The following CAMK2A variants were observed in gnomAD, a reference collection of about 807,000 sequenced individuals.
CAMK2A encodes calcium/calmodulin-dependent protein kinase type II subunit alpha.
Under a neutral mutation model 79.2 loss-of-function variants are expected in CAMK2A, and 7 were observed. The ratio of observed to expected loss-of-function variants is 0.09; its 90% CI spans 0.05 to 0.17. CAMK2A has a LOEUF of 0.17. CAMK2A is among the 10% of genes least tolerant of loss of function. CAMK2A has a pLI of 1.00. For synonymous variants in CAMK2A, 242 were observed against 251.7 expected, an observed-to-expected ratio of 0.96 and a Z score of 0.36; for missense variants, 214 against 646.4, an observed-to-expected ratio of 0.33 and a Z score of 7.25.
intron 17 of CAMK2A, among the ~76,000 whole-genome samples, chr5:150,227,175 A>T (rs138402770): frequency 5.4e-4 from 83 of 152,344 alleles, no homozygotes; most frequent in African/African-American, 1.5e-3. Context: ...AAAGAAAGTT[A>T]CATAATCCTT....
intron 2 of CAMK2A, among the ~76,000 whole-genome samples, chr5:150,270,554 G>A (rs1291718949): frequency 6.6e-6 from 1 of 152,162 alleles, no homozygotes; most frequent in East Asian, 1.9e-4. Flanking sequence ...AGCAGGAGAT[G>A]CTTAGAGTGT....
chr5:150,267,092 G>A (rs1756543803), intron 2 of CAMK2A, among the ~76,000 whole-genome samples: 1 of 152,234 alleles, frequency 6.6e-6, no homozygotes, highest in Non-Finnish European at 1.5e-5. Context: ...TAGGGATAAG[G>A]AGGTGGGGCC....
In CAMK2A at chr5:150,250,256, C is replaced by T; in HGVS notation, c.870G>A (p.Leu290=). 1 of 1,614,050 alleles carries T rather than the reference C, an allele frequency of 6.2e-7. No homozygotes were observed. Among genetic ancestry groups the T allele is most frequent in the East Asian group, 2.2e-5 (1 of 44,866 alleles). The part of the protein sequence containing the change: ...CMHRQETVDC[L]KKFNARRKLK... ...GTTTCCTCCTGGCATTGAACTTCTT[C>T]AGGCAGTCCACGGTCTCCTGTCTGT... Residue 290 remains leucine, a synonymous_variant, in exon 11 of 19, where the codon CTG becomes CTA. Transcript: ENST00000671881.
chr5:150,221,464 C>T lies in CAMK2A; in HGVS notation c.*1246G>A, dbSNP rs35651593. 1,814 of 398,690 alleles carry T rather than the reference C, an allele frequency of 4.5e-3. 32 individuals carry two copies. The highest frequency in any genetic ancestry group is 0.034 in the African/African-American group (1,650 of 48,706). The allele number at this position is 398,690 out of a possible 1,614,324, so 24.7% of individuals were successfully genotyped here. A position where few individuals can be genotyped will look rare whatever the true frequency, so the allele number is the denominator to read the frequency against. ...GGTGGGGGGTGCTGGGGGCGGCACACAGATATGGTGAGATGAAATCCTGGG... is the reference window on the plus strand; with the variant it reads ...GGTGGGGGGTGCTGGGGGCGGCACATAGATATGGTGAGATGAAATCCTGGG... On this transcript the variant is annotated 3_prime_UTR_variant, in exon 19 of 19. Coordinates refer to ENST00000671881, the MANE Select transcript of CAMK2A (RefSeq NM_015981.4).
chr5:150,271,210 A>G (rs1164010811), intron 2 of CAMK2A, among the ~76,000 whole-genome samples: 1 of 152,166 alleles, frequency 6.6e-6, no homozygotes, highest in African/African-American at 2.4e-5. Context: ...ATTCCTGCCC[A>G]CCCTGTCTCT....
At chr5:150,243,958 G>A (rs180849242) in intron 13 of CAMK2A, among the ~76,000 whole-genome samples, 10 of 152,280 alleles carry the variant, frequency 6.6e-5, no homozygotes, top group Admixed American at 2.0e-4. Flanking sequence ...CACCCCATCC[G>A]CTGCCAGAGG....
intron 13 of CAMK2A, among the ~76,000 whole-genome samples, chr5:150,244,427 G>A (rs1755471413): frequency 6.6e-6 from 1 of 152,280 alleles, no homozygotes; most frequent in Non-Finnish European, 1.5e-5. Flanking sequence ...AGGGCTCTGA[G>A]CCCAGAAAAA....
chr5:150,250,384 C>T, intron 10 of CAMK2A, 75 bp from the exon 11 acceptor site: 3 of 1,228,950 alleles, frequency 2.4e-6, no homozygotes, highest in South Asian at 1.2e-5. Context: ...TACCCTTCAG[C>T]AGGGCATCTT....
intron 15 of CAMK2A, among the ~76,000 whole-genome samples, chr5:150,233,131 G>A (rs1580901548): frequency 6.6e-6 from 1 of 152,314 alleles, no homozygotes; most frequent in South Asian, 2.1e-4. Flanking sequence ...GAACAGGCTT[G>A]GCCCCATAAG....
At chr5:150,253,831 G>C (rs570457005) in intron 6 of CAMK2A, among the ~76,000 whole-genome samples, 2 of 151,240 alleles carry the variant, frequency 1.3e-5, no homozygotes, top group Non-Finnish European at 2.9e-5. Flanking sequence ...AGGTGAGAGC[G>C]GGGTGGTACA....
chr5:150,265,227 C>T (rs1756461102), intron 2 of CAMK2A: 1 of 555,434 alleles, frequency 1.8e-6, no homozygotes, highest in Non-Finnish European at 3.3e-6. Flanking sequence ...GACTCAAGCA[C>T]ATCCCTCGCC....
At chr5:150,268,689 C>A (rs539743143) in intron 2 of CAMK2A, among the ~76,000 whole-genome samples, 1 of 152,352 alleles carries the variant, frequency 6.6e-6, no homozygotes, top group South Asian at 2.1e-4. Context: ...TGTCCAAGAT[C>A]CCATAGCAAA....
At chr5:150,236,647 C>T (rs1176555687) in intron 15 of CAMK2A, among the ~76,000 whole-genome samples, 2 of 152,228 alleles carry the variant, frequency 1.3e-5, no homozygotes, top group Non-Finnish European at 2.9e-5. Flanking sequence ...GTGGCTATAT[C>T]TATCCAGTCT....
In CAMK2A at chr5:150,284,645, G is replaced by T. The variant is rs1414679008; in HGVS notation, c.62+4919C>A. Among the ~76,000 whole-genome samples, 1 of 152,152 alleles carries T rather than the reference G, an allele frequency of 6.6e-6. No individual in the cohort carries two copies. Among genetic ancestry groups the T allele is most frequent in the Admixed American group, 6.5e-5 (1 of 15,282 alleles). On this transcript the variant is annotated intron_variant, in intron 1 of 18. Transcript: ENST00000671881. The surrounding 1 kb of genome is among the most constrained non-coding windows in gnomAD (Gnocchi z 5.3). ...GCTTGGAGGAGAGGGAGGAAAGCTCGTCCCTTCCCTGTTCCTGCCACCCTT... is the reference window on the plus strand; with the variant it reads ...GCTTGGAGGAGAGGGAGGAAAGCTCTTCCCTTCCCTGTTCCTGCCACCCTT...
At chr5:150,289,396 C>G (rs1757569183) in intron 1 of CAMK2A, among the ~76,000 whole-genome samples, 168 bp downstream of exon 1, 1 of 152,186 alleles carries the variant, frequency 6.6e-6, no homozygotes, top group Non-Finnish European at 1.5e-5. Context: ...CATACCCACG[C>G]CCGACTCTGG....
intron 8 of CAMK2A, 62 bp from the exon 9 acceptor site, chr5:150,251,906 T>C: frequency 6.5e-7 from 1 of 1,534,042 alleles, no homozygotes; most frequent in Admixed American, 1.7e-5. Flanking sequence ...GGGAGGGGAG[T>C]GATGGGAAAG....
intron 17 of CAMK2A, among the ~76,000 whole-genome samples, chr5:150,225,071 AG>A: frequency 6.6e-6 from 1 of 150,386 alleles, no homozygotes; most frequent in African/African-American, 2.5e-5. Flanking sequence ...AGAGAGAGAG[AG>A]AAAGTGAGAG....
At chr5:150,283,180 T>C (rs958451146) in intron 1 of CAMK2A, among the ~76,000 whole-genome samples, 2 of 152,160 alleles carry the variant, frequency 1.3e-5, no homozygotes, top group Non-Finnish European at 2.9e-5. Flanking sequence ...TTTTTAATAG[T>C]CCTGCTAGGA....
intron 17 of CAMK2A, among the ~76,000 whole-genome samples, chr5:150,226,036 G>A (rs10042928): frequency 3.9e-5 from 6 of 152,076 alleles, no homozygotes; most frequent in South Asian, 2.1e-4. Flanking sequence ...GTGAGCCACC[G>A]CACCCGGCCG....
Sources: allele counts gnomAD v4.1 joint callset (sites outside exome capture counted in the v4.1 genomes callset), GRCh38; gene constraint gnomAD v4.1.1; non-coding constraint Gnocchi (gnomAD v3.1); transcripts MANE v1.5; gene names NCBI Gene and HGNC (gene_info 2026-07-23, HGNC 2026-07-21).